Variants in ADARB2 observed in about 807,000 individuals in gnomAD.
The protein encoded by ADARB2 is inactive double-stranded RNA-specific editase B2.
In ADARB2, 25 loss-of-function variants were observed where a neutral mutation model predicts 62.2. The ratio of observed to expected loss-of-function variants is 0.40; its 90% CI spans 0.29 to 0.56. The LOEUF (loss-of-function observed/expected upper bound fraction) is 0.56, where lower values mean the gene tolerates loss of function less well. ADARB2 is among the 20% of genes least tolerant of loss of function. The pLI is 0.43. For missense variants in ADARB2, 1,071 were observed against 1,077.4 expected, an observed-to-expected ratio of 0.99 and a Z score of 0.08; for synonymous variants, 572 against 500.8, an observed-to-expected ratio of 1.14 and a Z score of -1.90.
chr10:1,639,062 T>C (rs942378893), intron 1 of ADARB2, among the ~76,000 whole-genome samples: 22 of 152,130 alleles, frequency 1.4e-4, no homozygotes, highest in Admixed American at 8.5e-4. Context: ...GCAGTCAGGG[T>C]GGAAACAGCA....
At chr10:1,264,475 T>C (rs919335624) in intron 4 of ADARB2, among the ~76,000 whole-genome samples, 1 of 152,226 alleles carries the variant, frequency 6.6e-6, no homozygotes, top group African/African-American at 2.4e-5. Context: ...TAAACTGTCA[T>C]GGTTTCTAAA....
At position 1,183,095 on chromosome 10, in the gene ADARB2, A is replaced by AC; in HGVS notation, c.*97dup. The AC allele has an allele frequency of 7.2e-7, 1 of 1,388,520 alleles. No homozygotes were observed. The allele number at this position is 1,388,520 out of a possible 1,614,324, so 86.0% of individuals were successfully genotyped here. On this transcript the variant is annotated 3_prime_UTR_variant, in exon 10 of 10. Coordinates refer to ENST00000381312, the MANE Select transcript of ADARB2 (RefSeq NM_018702.4). ...CGTGTTTCTGGGACACCAAAGTAAA[A>AC]CGAATGCAGGGAACCGGCCGACCCG...
At chr10:1,303,882 C>A (rs1831599561) in intron 3 of ADARB2, among the ~76,000 whole-genome samples, 1 of 151,996 alleles carries the variant, frequency 6.6e-6, no homozygotes, top group African/African-American at 2.4e-5. Context: ...AAGCACTAAA[C>A]ATGGAAAGGA....
At chr10:1,254,116 G>A (rs1311366623) in intron 4 of ADARB2, among the ~76,000 whole-genome samples, 2 of 151,508 alleles carry the variant, frequency 1.3e-5, no homozygotes. Context: ...AGTTGACTCT[G>A]GTTAGGATGC....
intron 1 of ADARB2, among the ~76,000 whole-genome samples, chr10:1,641,686 G>A (rs10903524): frequency 0.49 from 75,093 of 152,092 alleles, 20,772 homozygotes; most frequent in East Asian, 0.69. Context: ...AAGTTAGTCC[G>A]TTAAGATTAT....
chr10:1,436,570 A>G (rs559544831), intron 1 of ADARB2, among the ~76,000 whole-genome samples: 3 of 152,350 alleles, frequency 2.0e-5, no homozygotes, highest in South Asian at 2.1e-4. Flanking sequence ...TTATATTATG[A>G]ACACTTAATT....
intron 1 of ADARB2, among the ~76,000 whole-genome samples, chr10:1,580,268 C>T (rs1833078952): frequency 6.6e-6 from 1 of 152,176 alleles, no homozygotes; most frequent in South Asian, 2.1e-4. Context: ...TGCCCTCCTC[C>T]TGCCCTCCAC....
At chr10:1,315,387 C>T (rs1831729846) in intron 3 of ADARB2, among the ~76,000 whole-genome samples, 1 of 152,244 alleles carries the variant, frequency 6.6e-6, no homozygotes, top group African/African-American at 2.4e-5. Context: ...GCAAAGCGTC[C>T]TGAGCGTGGC....
intron 1 of ADARB2, among the ~76,000 whole-genome samples, chr10:1,650,167 C>T (rs946478197): frequency 1.3e-5 from 2 of 152,226 alleles, no homozygotes; most frequent in African/African-American, 2.4e-5. Context: ...CTCTCACATG[C>T]TTTTCTGAAG....
chr10:1,389,124 T>C (rs912047488), intron 1 of ADARB2, among the ~76,000 whole-genome samples: 1 of 152,172 alleles, frequency 6.6e-6, no homozygotes, highest in African/African-American at 2.4e-5. Context: ...CCTCACATCA[T>C]ATGTGAAAAT....
chr10:1,542,967 G>C (rs879383812), intron 1 of ADARB2, among the ~76,000 whole-genome samples: 10 of 152,258 alleles, frequency 6.6e-5, no homozygotes, highest in Admixed American at 2.6e-4. Flanking sequence ...TGGGACCCTG[G>C]ATCACAGCTG....
intron 1 of ADARB2, among the ~76,000 whole-genome samples, chr10:1,472,134 C>T (rs181859714): frequency 5.9e-5 from 9 of 152,184 alleles, no homozygotes; most frequent in African/African-American, 1.4e-4. Context: ...GGCACCCACA[C>T]GAGAAGGGCT....
intron 1 of ADARB2, among the ~76,000 whole-genome samples, chr10:1,434,234 T>C (rs77798037): frequency 6.6e-6 from 1 of 152,168 alleles, no homozygotes; most frequent in East Asian, 1.9e-4. Context: ...GAAGAGGTGA[T>C]GTACACAGAG....
At chr10:1,251,050 T>A (rs987182966) in intron 4 of ADARB2, among the ~76,000 whole-genome samples, 5 of 152,228 alleles carry the variant, frequency 3.3e-5, no homozygotes, top group African/African-American at 1.2e-4. Context: ...GAAATAAAAT[T>A]GCATCTTTAT....
intron 1 of ADARB2, among the ~76,000 whole-genome samples, chr10:1,391,012 C>T (rs1339681686): frequency 6.6e-6 from 1 of 152,174 alleles, no homozygotes; most frequent in African/African-American, 2.4e-5. Flanking sequence ...CACCCCCTGC[C>T]CCCTTAGTTG....
In ADARB2 at chr10:1,600,477, A is replaced by T. The variant is rs568659144; in HGVS notation, c.100+136574T>A. The stretch of plus-strand genomic sequence containing the variant: ...GGAGTTTGAGACCAGCCTGGTCAAC[A>T]TGGCGAAAGCCCCGTCTCTACTAAA... On this transcript the variant is annotated intron_variant, in intron 1 of 9. Coordinates refer to ENST00000381312, the MANE Select transcript of ADARB2 (RefSeq NM_018702.4). 3.9e-5 allele frequency among the ~76,000 whole-genome samples: 6 copies of T among 152,070 alleles called. No individual in the cohort carries two copies. In the East Asian group the frequency reaches 1.2e-3, roughly 29 times the overall value.
Position 1,271,156 on chromosome 10 carries a change from C to G in ADARB2, c.1078-87G>C, listed in dbSNP as rs752884624. ...GCACTGTCCTCCCCGTCCTCACAGC[C>G]TCATCCCCATGTGGCCACACATGGG... is the stretch of plus-strand genomic sequence containing the variant. On this transcript the variant is annotated intron_variant, in intron 3 of 9. Transcript: ENST00000381312. The G allele has an allele frequency of 1.1e-4, 121 of 1,104,170 alleles. 1 individual carries two copies. Among genetic ancestry groups the G allele is most frequent in the Non-Finnish European group, 1.6e-4 (120 of 751,460 alleles). 68.4% of individuals were successfully genotyped at this position (1,104,170 alleles called of 1,614,324 possible). A position where few individuals can be genotyped will look rare whatever the true frequency, so the allele number is the denominator to read the frequency against.
At chr10:1,465,812 C>T (rs1266070766) in intron 1 of ADARB2, among the ~76,000 whole-genome samples, 4 of 152,226 alleles carry the variant, frequency 2.6e-5, no homozygotes, top group Admixed American at 1.3e-4. Context: ...GGTGTGGGGC[C>T]CCCAGAGCTA....
intron 1 of ADARB2, among the ~76,000 whole-genome samples, chr10:1,390,226 G>A (rs1370108628): frequency 6.6e-6 from 1 of 152,204 alleles, no homozygotes; most frequent in African/African-American, 2.4e-5. Context: ...TATGCAGTGT[G>A]GTTCCATTTA....
Sources: gnomAD v4.1 joint callset for allele counts (sites outside exome capture counted in the v4.1 genomes callset) on GRCh38, gnomAD v4.1.1 for gene constraint, MANE v1.5 for transcripts, NCBI Gene and HGNC (gene_info 2026-07-23, HGNC 2026-07-21) for gene names.